The following MAPKBP1 variants were observed in gnomAD, a reference collection of about 807,000 sequenced individuals.
MAPKBP1 encodes mitogen-activated protein kinase binding protein 1.
In MAPKBP1, 71 loss-of-function variants were observed where a neutral mutation model predicts 170.5. That is an observed-to-expected ratio of 0.42 (90% CI 0.34 to 0.51). The LOEUF (loss-of-function observed/expected upper bound fraction) is 0.51. Among genes scored for constraint, MAPKBP1 ranks in the 20% least tolerant of loss-of-function variants. The probability of loss-of-function intolerance (pLI) is 0.06; values close to 1 mark genes in which losing one functional copy is unlikely to be tolerated. For synonymous variants in MAPKBP1, 719 were observed against 757.9 expected (o/e 0.95, Z 0.84); for missense variants, 1,598 against 1,933.0 (o/e 0.83, Z 3.25).
At chr15:41,803,190 G>A (rs1324952757) in intron 3 of MAPKBP1, among the ~76,000 whole-genome samples, 8 of 151,840 alleles carry the variant, frequency 5.3e-5, no homozygotes, top group South Asian at 2.1e-4. Flanking sequence ...CAAGGTGGGC[G>A]GATCACCTGA....
At chr15:41,783,524 C>T (rs1055262995) in intron 2 of MAPKBP1, among the ~76,000 whole-genome samples, 1 of 152,132 alleles carries the variant, frequency 6.6e-6, no homozygotes, top group Non-Finnish European at 1.5e-5. Context: ...TGCCTAATCT[C>T]GAATGTCTGT....
intron 2 of MAPKBP1, among the ~76,000 whole-genome samples, chr15:41,798,351 C>T (rs974726533): frequency 6.6e-6 from 1 of 150,974 alleles, no homozygotes; most frequent in African/African-American, 2.4e-5. Context: ...GGCGTGATCT[C>T]GGCTCACTGC....
chr15:41,802,446 AAC>A (rs1362858809), intron 3 of MAPKBP1, among the ~76,000 whole-genome samples: 1 of 152,194 alleles, frequency 6.6e-6, no homozygotes, highest in Non-Finnish European at 1.5e-5. Context: ...TTAAAACACA[AAC>A]ACAGTACAGC....
rs137855404 is a variant in MAPKBP1, at chr15:41,795,951, G to C, written c.115-3872G>C. On this transcript the variant is annotated intron_variant, in intron 2 of 30. Coordinates refer to ENST00000457542, the MANE Select transcript of MAPKBP1 (RefSeq NM_014994.3). ...AAGAATCCCTGTGACCTACCATGTG[G>C]AGAAAAGACTATAGGGGGTAAGGCC... 5.2e-3 allele frequency among the ~76,000 whole-genome samples: 791 copies of C among 152,294 alleles called. 3 individuals carry two copies. The highest frequency in any genetic ancestry group is 0.01 in the South Asian group (49 of 4,828).
At chr15:41,801,428 A>G (rs1455190723) in intron 3 of MAPKBP1, among the ~76,000 whole-genome samples, 1 of 152,170 alleles carries the variant, frequency 6.6e-6, no homozygotes, top group Non-Finnish European at 1.5e-5. Context: ...CTACTGCTGT[A>G]CCTTTCTTAC....
intron 2 of MAPKBP1, among the ~76,000 whole-genome samples, chr15:41,788,332 C>T (rs1351641649): frequency 6.6e-6 from 1 of 152,170 alleles, no homozygotes; most frequent in African/African-American, 2.4e-5. Context: ...ACACTGTGCC[C>T]TGTGCTATAA....
Position 41,822,348 on chromosome 15 carries a change from G to A in MAPKBP1, c.3155G>A (p.Gly1052Asp). 1.9e-6 allele frequency: 3 copies of A among 1,614,014 alleles called. No individual in the cohort carries two copies. Among genetic ancestry groups the A allele is most frequent in the Non-Finnish European group, 1.7e-6 (2 of 1,180,008 alleles). ...ATGGGCCCCTATGGGCTACAGGAGG[G>A]CAGCCCCCAGACTCCAGACCAGGAG... ...GGMGPYGLQE[G>D]SPQTPDQEQF... Residue 1052 changes from glycine to aspartate, a missense_variant, in exon 26 of 31, where the codon GGC (glycine) becomes GAC (aspartate). Gly to Asp is a moderately conservative substitution (Grantham distance 94). Coordinates refer to ENST00000457542, the MANE Select transcript of MAPKBP1 (RefSeq NM_014994.3).
At position 41,816,577 on chromosome 15, in the gene MAPKBP1, C is replaced by A. The variant is rs1181949775; in HGVS notation, c.1512C>A (p.Ser504=). 5 of 1,613,990 alleles carry A rather than the reference C, an allele frequency of 3.1e-6. No individual in the cohort carries two copies. The East Asian group carries it at 1.1e-4, about 36-fold the overall frequency. ...MGTLRVHELQ[S]LSEMLKVEAH... is the part of the protein sequence containing the mutation. Reference sequence around the variant, plus strand: ...TTTGCAGGGTGCACGAACTTCAGTCCCTGAGTGAGATGCTGAAGGTGGAGG... The same window carrying A: ...TTTGCAGGGTGCACGAACTTCAGTCACTGAGTGAGATGCTGAAGGTGGAGG... Residue 504 remains serine (S), a synonymous_variant, in exon 13 of 31, where the codon TCC becomes TCA. Coordinates refer to ENST00000457542, the MANE Select transcript of MAPKBP1 (RefSeq NM_014994.3).
chr15:41,781,283 C>A (rs1371533161), intron 2 of MAPKBP1, among the ~76,000 whole-genome samples: 2 of 151,990 alleles, frequency 1.3e-5, no homozygotes, highest in African/African-American at 4.8e-5. Context: ...AACATGTTGG[C>A]CAGGCTGGTC....
chr15:41,823,456 A>AG lies in MAPKBP1; in HGVS notation c.3610dup (p.Ala1204GlyfsTer29), dbSNP rs1348202188. The AG allele has an allele frequency of 6.2e-7, 1 of 1,610,854 alleles. No homozygotes were observed. The highest frequency in any genetic ancestry group is 1.1e-5 in the South Asian group (1 of 90,918). On this transcript the variant is annotated frameshift_variant, in exon 29 of 31. Coordinates refer to ENST00000457542, the MANE Select transcript of MAPKBP1 (RefSeq NM_014994.3). LOFTEE classifies it high-confidence loss of function. ...TCTGTCTCCTTTGCAGAAAGACATG[A>AG]GGCCAGTCTGCAGGCCCCTTCACCA...
chr15:41,817,371 G>C lies in MAPKBP1; in HGVS notation c.1712-17G>C. The C allele has an allele frequency of 1.2e-6, 2 of 1,613,926 alleles. No individual in the cohort carries two copies. The highest frequency in any genetic ancestry group is 1.7e-6 in the Non-Finnish European group (2 of 1,179,762). ...TGGTGAGAACAGTGGGAACAGCTGG[G>C]CTTCCCTCCTTCATAGCCAGTGATG... On this transcript the variant is annotated splice_polypyrimidine_tract_variant and intron_variant, in intron 14 of 30. Coordinates refer to ENST00000457542, the MANE Select transcript of MAPKBP1 (RefSeq NM_014994.3). This position sits in a 1 kb window ranked among gnomAD's most constrained non-coding sequence, Gnocchi z 4.2.
chr15:41,786,169 T>C (rs939332476), intron 2 of MAPKBP1, among the ~76,000 whole-genome samples: 1 of 152,186 alleles, frequency 6.6e-6, no homozygotes, highest in Non-Finnish European at 1.5e-5. Context: ...TGTTAAAACA[T>C]ATATATATGT....
At chr15:41,825,039 C>T (rs1447386004) in intron 30 of MAPKBP1, 170 bp from the exon 31 acceptor site, 2 of 575,864 alleles carry the variant, frequency 3.5e-6, no homozygotes, top group Non-Finnish European at 3.1e-6. Flanking sequence ...CCTTGGGCGT[C>T]ACCCCCAGAG....
chr15:41,810,558 A>T, intron 3 of MAPKBP1: 1 of 266,276 alleles, frequency 3.8e-6, no homozygotes. Context: ...AAAAAAAAAA[A>T]AAAATACAAA....
At chr15:41,779,979 C>T (rs1027573247) in intron 2 of MAPKBP1, among the ~76,000 whole-genome samples, 12 of 152,182 alleles carry the variant, frequency 7.9e-5, no homozygotes, top group African/African-American at 2.9e-4. Context: ...CCTGCAGCTG[C>T]CCTCAGCCTT....
At chr15:41,823,258 G>C in intron 28 of MAPKBP1, 36 bp downstream of exon 28, 2 of 1,600,090 alleles carry the variant, frequency 1.2e-6, no homozygotes, top group Non-Finnish European at 1.7e-6. Context: ...CAGGGTGCAG[G>C]GTGTATGGAA....
chr15:41,820,142 G>C (rs746889268), intron 22 of MAPKBP1, among the ~76,000 whole-genome samples: 1 of 152,218 alleles, frequency 6.6e-6, no homozygotes, highest in Non-Finnish European at 1.5e-5. Context: ...CCATAACTCA[G>C]CGACTGCCCT....
chr15:41,788,373 C>G (rs2064337411), intron 2 of MAPKBP1, among the ~76,000 whole-genome samples: 1 of 152,244 alleles, frequency 6.6e-6, no homozygotes, highest in African/African-American at 2.4e-5. Flanking sequence ...CAACTTCTGC[C>G]CTCCAGGAGT....
chr15:41,821,453 C>A, intron 23 of MAPKBP1, 131 bp from the exon 24 acceptor site: 1 of 818,266 alleles, frequency 1.2e-6, no homozygotes, highest in Non-Finnish European at 2.0e-6. Context: ...GAGTGCACAC[C>A]GCATCCTTAC....
Sources: gnomAD v4.1 joint callset for allele counts (sites outside exome capture counted in the v4.1 genomes callset) on GRCh38, gnomAD v4.1.1 for gene constraint, Gnocchi (gnomAD v3.1) non-coding constraint, MANE v1.5 for transcripts, NCBI Gene and HGNC (gene_info 2026-07-23, HGNC 2026-07-21) for gene names.